GRM7: variants seen among roughly 807,000 people sequenced by gnomAD.
GRM7 encodes the protein glutamate metabotropic receptor 7.
GRM7 carries 35 observed loss-of-function variants against 84.5 expected under a neutral mutation model. The ratio of observed to expected loss-of-function variants is 0.41; its 90% CI spans 0.32 to 0.55. The LOEUF is 0.55. Among genes scored for constraint, GRM7 ranks in the 20% least tolerant of loss-of-function variants. The probability of loss-of-function intolerance (pLI) is 0.19; values close to 1 mark genes in which losing one functional copy is unlikely to be tolerated. For missense variants in GRM7, 1,003 were observed against 1,194.6 expected (o/e 0.84, Z 2.36); for synonymous variants, 487 against 455.1 (o/e 1.07, Z -0.89).
chr3:7,331,961 G>A (rs1701226268), intron 4 of GRM7, among the ~76,000 whole-genome samples: 1 of 152,134 alleles, frequency 6.6e-6, no homozygotes, highest in South Asian at 2.1e-4. Context: ...AAACTTAAAG[G>A]AGGTGAGAGA....
intron 1 of GRM7, among the ~76,000 whole-genome samples, chr3:7,135,718 T>A (rs1483274148): frequency 6.6e-6 from 1 of 151,154 alleles, no homozygotes; most frequent in African/African-American, 2.5e-5. Flanking sequence ...GAATGTAATA[T>A]AGAGAAAAAA....
intron 1 of GRM7, among the ~76,000 whole-genome samples, chr3:6,866,905 A>G (rs1447734177): frequency 1.3e-5 from 2 of 152,162 alleles, no homozygotes; most frequent in East Asian, 3.9e-4. Context: ...TCAGAGATAA[A>G]TGGGAACACT....
Position 7,568,738 on chromosome 3 carries a change from G to A in GRM7, c.1516-9684G>A, listed in dbSNP as rs573106898. 1.5e-4 allele frequency among the ~76,000 whole-genome samples: 23 copies of A among 151,862 alleles called. No individual in the cohort carries two copies. The East Asian group carries it at 2.4e-3, about 16-fold the overall frequency. ...CTGGGCAATGAGGGGCTTAGCACCC[G>A]GGCCAGCGGTTGCGGAGGGTGTACT... On this transcript the variant is annotated intron_variant, in intron 7 of 9. Coordinates refer to ENST00000357716, the MANE Select transcript of GRM7 (RefSeq NM_000844.4).
chr3:6,924,987 A>T, intron 1 of GRM7, among the ~76,000 whole-genome samples: 1 of 152,192 alleles, frequency 6.6e-6, no homozygotes, highest in East Asian at 1.9e-4. Flanking sequence ...TTACATACGA[A>T]GTCTATACCT....
At chr3:7,138,506 G>T (rs1052673498) in intron 1 of GRM7, among the ~76,000 whole-genome samples, 6 of 151,800 alleles carry the variant, frequency 4.0e-5, no homozygotes, top group Non-Finnish European at 1.5e-5. Context: ...AAGGTTCTTT[G>T]TACTTTATTT....
At chr3:7,435,232 C>T (rs1022752156) in intron 5 of GRM7, among the ~76,000 whole-genome samples, 1 of 151,552 alleles carries the variant, frequency 6.6e-6, no homozygotes, top group South Asian at 2.1e-4. Flanking sequence ...GCCTTGATCT[C>T]GGCTCACTGT....
At chr3:7,555,461 T>C (rs1483105498) in intron 7 of GRM7, among the ~76,000 whole-genome samples, 1 of 152,216 alleles carries the variant, frequency 6.6e-6, no homozygotes. Context: ...GGTAGATACA[T>C]GATTTTCATT....
At chr3:7,220,521 A>G (rs914198435) in intron 2 of GRM7, among the ~76,000 whole-genome samples, 3 of 152,228 alleles carry the variant, frequency 2.0e-5, no homozygotes, top group Non-Finnish European at 2.9e-5. Context: ...AAAAACTGTC[A>G]TAGCCAAGAG....
chr3:7,518,067 A>T (rs1343227658), intron 7 of GRM7, among the ~76,000 whole-genome samples: 1 of 152,162 alleles, frequency 6.6e-6, no homozygotes, highest in Non-Finnish European at 1.5e-5. Context: ...CACTACGGTG[A>T]GGATAATTCA....
At chr3:7,725,492 A>G (rs1055749545) in intron 9 of GRM7, among the ~76,000 whole-genome samples, 13 of 152,116 alleles carry the variant, frequency 8.5e-5, no homozygotes, top group African/African-American at 3.1e-4. Context: ...CTCCTGAGAC[A>G]TCACACAGGC....
intron 2 of GRM7, among the ~76,000 whole-genome samples, chr3:7,149,978 T>A (rs1407070914): frequency 6.6e-6 from 1 of 152,048 alleles, no homozygotes; most frequent in Admixed American, 6.6e-5. Flanking sequence ...CTTATTAACA[T>A]GCTGTCATGA....
chr3:7,653,248 C>T lies in GRM7; in HGVS notation c.2452-26801C>T, dbSNP rs190269556. 4.6e-3 allele frequency among the ~76,000 whole-genome samples: 568 copies of T among 123,082 alleles called. 13 individuals carry two copies. The Admixed American group carries it at 0.048, about 10-fold the overall frequency. The allele number at this position is 123,082 out of a possible 152,430, so 80.7% of individuals were successfully genotyped here. A position where few individuals can be genotyped will look rare whatever the true frequency, so the allele number is the denominator to read the frequency against. ...CTCTTACTCTACCTAACTGTAAATGCTTTTAGGACAAGCACTCAATAAATG... is the reference window on the plus strand; with the variant it reads ...CTCTTACTCTACCTAACTGTAAATGTTTTTAGGACAAGCACTCAATAAATG... On this transcript the variant is annotated intron_variant, in intron 8 of 9. Coordinates refer to ENST00000357716, the MANE Select transcript of GRM7 (RefSeq NM_000844.4).
rs1697976209 is a variant in GRM7 at position 6,944,003 on chromosome 3, A to G, written c.519+82096A>G. On this transcript the variant is annotated intron_variant, in intron 1 of 9. Transcript: ENST00000357716. ...TATTTCTAGCATATAGAAATATTGTACATTTGGTTTTGTATACTGACCTTT... is the reference window on the plus strand; with the variant it reads ...TATTTCTAGCATATAGAAATATTGTGCATTTGGTTTTGTATACTGACCTTT... 2.0e-5 allele frequency among the ~76,000 whole-genome samples: 3 copies of G among 152,032 alleles called. 1 individual carries two copies. Among genetic ancestry groups the G allele is most frequent in the East Asian group, 3.8e-4 (2 of 5,196 alleles).
chr3:7,578,452 C>T lies in GRM7; in HGVS notation c.1546C>T (p.Arg516Ter), dbSNP rs1312633998. The T allele has an allele frequency of 3.1e-6, 5 of 1,612,504 alleles. No individual in the cohort carries two copies. The highest frequency in any genetic ancestry group is 4.2e-6 in the Non-Finnish European group (5 of 1,179,118). Residue 516 changes from arginine to a stop codon, truncating the protein, a stop_gained, in exon 8 of 10, where the codon CGA (arginine) becomes TGA (stop). Transcript: ENST00000357716. LOFTEE classifies it high-confidence loss of function. ...AGACATGCAGTGGGGTAAAGGAGTC[C>T]GAGAGATACCCGCCTCAGTGTGCAC... ...IEDMQWGKGV[R>*]EIPASVCTLP...
At chr3:7,471,411 T>C (rs985520190) in intron 7 of GRM7, among the ~76,000 whole-genome samples, 3 of 152,132 alleles carry the variant, frequency 2.0e-5, no homozygotes, top group Non-Finnish European at 2.9e-5. Context: ...TAGTCCTGTT[T>C]GGTTTTGGGA....
intron 5 of GRM7, among the ~76,000 whole-genome samples, chr3:7,444,563 G>A (rs1277693991): frequency 6.6e-6 from 1 of 152,080 alleles, no homozygotes; most frequent in Non-Finnish European, 1.5e-5. Context: ...ACAACAAATT[G>A]CTCTTGGCCA....
intron 1 of GRM7, among the ~76,000 whole-genome samples, chr3:7,013,336 G>C (rs192947245): frequency 4.6e-5 from 7 of 152,074 alleles, no homozygotes; most frequent in Admixed American, 2.0e-4. Flanking sequence ...TCATTACCCA[G>C]CTTCAAAACT....
At chr3:7,376,951 G>A (rs73809084) in intron 4 of GRM7, among the ~76,000 whole-genome samples, 13,250 of 152,212 alleles carry the variant, frequency 0.087, 637 homozygotes, top group Middle Eastern at 0.11. Flanking sequence ...AACCAAAAAT[G>A]TCACTAGACA....
intron 7 of GRM7, among the ~76,000 whole-genome samples, chr3:7,564,685 C>T (rs1288722765): frequency 6.6e-6 from 1 of 152,246 alleles, no homozygotes; most frequent in African/African-American, 2.4e-5. Flanking sequence ...ATTTAGGTAA[C>T]TGCCATGTCT....
Sources: gnomAD v4.1 joint callset for allele counts (sites outside exome capture counted in the v4.1 genomes callset) on GRCh38, gnomAD v4.1.1 for gene constraint, MANE v1.5 for transcripts, NCBI Gene and HGNC (gene_info 2026-07-23, HGNC 2026-07-21) for gene names.